Variants in ATP8A2 observed in about 807,000 individuals in gnomAD.
ATP8A2 encodes ATPase phospholipid transporting 8A2, also known as phospholipid-transporting ATPase IB.
ATP8A2 carries 100 observed loss-of-function variants against 165.6 expected under a neutral mutation model. The ratio of observed to expected loss-of-function variants is 0.60; its 90% CI spans 0.51 to 0.71. The LOEUF is 0.71. Ranked by LOEUF, ATP8A2 falls within the 30% of genes least tolerant of loss-of-function variation. The pLI is 0.00. For synonymous variants in ATP8A2, 543 were observed against 548.8 expected (o/e 0.99, Z 0.15); for missense variants, 1,227 against 1,479.5 (o/e 0.83, Z 2.80).
At chr13:25,815,713 G>C (rs1281549100) in intron 27 of ATP8A2, among the ~76,000 whole-genome samples, 1 of 152,130 alleles carries the variant, frequency 6.6e-6, no homozygotes, top group African/African-American at 2.4e-5. Context: ...TGAAAGCAAG[G>C]ACTGAACCCA....
chr13:25,575,742 A>G (rs2039598252), intron 19 of ATP8A2, among the ~76,000 whole-genome samples: 1 of 152,078 alleles, frequency 6.6e-6, no homozygotes, highest in Non-Finnish European at 1.5e-5. Context: ...TGGCTCATGT[A>G]GGAAGTGGTG....
intron 1 of ATP8A2, among the ~76,000 whole-genome samples, chr13:25,411,040 T>C (rs1300192282): frequency 6.6e-6 from 1 of 152,226 alleles, no homozygotes; most frequent in East Asian, 1.9e-4. Flanking sequence ...TCTTAATCTC[T>C]CAGGTAGGTC....
chr13:26,016,458 G>A (rs986418894), intron 36 of ATP8A2, among the ~76,000 whole-genome samples: 3 of 152,202 alleles, frequency 2.0e-5, no homozygotes, highest in African/African-American at 4.8e-5. Context: ...CACAGAAGAA[G>A]TGACAGAGTT....
In ATP8A2 at chr13:25,769,049, G is replaced by A. The variant is rs751962144; in HGVS notation, c.2388G>A (p.Val796=). The A allele has an allele frequency of 2.0e-5, 33 of 1,613,926 alleles. No homozygotes were observed. Among genetic ancestry groups the A allele is most frequent in the Non-Finnish European group, 2.8e-5 (33 of 1,179,914 alleles). The part of the protein sequence containing the change: ...LSCKAVICCR[V]SPLQKSEIVD... Reference sequence around the variant, plus strand: ...ATTTCCCTCTCTTTTCTCACAGAGTGTCTCCTCTGCAGAAGTCTGAGATAG... The same window carrying A: ...ATTTCCCTCTCTTTTCTCACAGAGTATCTCCTCTGCAGAAGTCTGAGATAG... Residue 796 remains valine (V), a synonymous_variant, in exon 26 of 37, where the codon GTG becomes GTA. Transcript: ENST00000381655.
intron 1 of ATP8A2, among the ~76,000 whole-genome samples, chr13:25,404,950 A>C (rs1387984672): frequency 6.6e-6 from 1 of 152,126 alleles, no homozygotes; most frequent in African/African-American, 2.4e-5. Context: ...AAGCAGAGAG[A>C]GGAAGAGAAA....
chr13:25,980,404 ATC>A (rs984517007), intron 35 of ATP8A2, among the ~76,000 whole-genome samples: 1 of 152,144 alleles, frequency 6.6e-6, no homozygotes, highest in African/African-American at 2.4e-5. Context: ...CCAAGAGGAG[ATC>A]TGGGGAAGGA....
intron 1 of ATP8A2, among the ~76,000 whole-genome samples, chr13:25,383,971 C>G (rs576860191): frequency 6.6e-6 from 1 of 152,124 alleles, no homozygotes; most frequent in Non-Finnish European, 1.5e-5. Flanking sequence ...GTTTTATTCC[C>G]GTTGCTAGAG....
intron 25 of ATP8A2, among the ~76,000 whole-genome samples, chr13:25,735,468 C>T (rs899825626): frequency 9.9e-5 from 15 of 151,950 alleles, no homozygotes; most frequent in African/African-American, 3.1e-4. Flanking sequence ...ACCATGTTGC[C>T]CAGACTGGTC....
intron 24 of ATP8A2, among the ~76,000 whole-genome samples, chr13:25,640,543 G>T (rs576719835): frequency 2.0e-5 from 3 of 152,208 alleles, no homozygotes; most frequent in Admixed American, 2.0e-4. Flanking sequence ...ACCCTCCCAA[G>T]ACTAAACCAG....
intron 24 of ATP8A2, among the ~76,000 whole-genome samples, chr13:25,640,911 C>T (rs1353861365): frequency 6.6e-6 from 1 of 152,194 alleles, no homozygotes; most frequent in Admixed American, 6.5e-5. Flanking sequence ...CCACCATGAT[C>T]AAGTGGGCTT....
At chr13:25,536,482 T>G (rs575948420) in intron 6 of ATP8A2, among the ~76,000 whole-genome samples, 5 of 152,342 alleles carry the variant, frequency 3.3e-5, no homozygotes, top group Admixed American at 1.3e-4. Flanking sequence ...GTACTGGTGG[T>G]TGTTAAAACA....
intron 1 of ATP8A2, among the ~76,000 whole-genome samples, chr13:25,379,934 C>G (rs547076777): frequency 1.3e-5 from 2 of 152,250 alleles, no homozygotes; most frequent in African/African-American, 4.8e-5. Context: ...CTTCTACTGT[C>G]TGATTTTCTG....
At chr13:25,699,690 C>T (rs2042910988) in intron 25 of ATP8A2, among the ~76,000 whole-genome samples, 2 of 152,164 alleles carry the variant, frequency 1.3e-5, no homozygotes, top group African/African-American at 4.8e-5. Flanking sequence ...AGCTCAACTT[C>T]CAAGATGTGT....
intron 10 of ATP8A2, among the ~76,000 whole-genome samples, chr13:25,545,502 A>G (rs967934425): frequency 1.3e-5 from 2 of 151,188 alleles, no homozygotes; most frequent in African/African-American, 4.9e-5. Flanking sequence ...GTGAGACCCC[A>G]TTTCAAAAAA....
intron 33 of ATP8A2, among the ~76,000 whole-genome samples, chr13:25,894,551 G>GT (rs1430478910): frequency 3.3e-5 from 5 of 152,154 alleles, no homozygotes; most frequent in African/African-American, 2.4e-5. Flanking sequence ...CTTTAAAGTA[G>GT]TTTTTTCCAA....
chr13:25,728,056 C>A (rs2043534491), intron 25 of ATP8A2, among the ~76,000 whole-genome samples: 1 of 152,312 alleles, frequency 6.6e-6, no homozygotes, highest in Admixed American at 6.5e-5. Flanking sequence ...AAGTTCCCTT[C>A]CTGCCCTCAG....
chr13:25,487,075 C>G (rs537162110), intron 2 of ATP8A2, among the ~76,000 whole-genome samples: 1 of 152,320 alleles, frequency 6.6e-6, no homozygotes, highest in South Asian at 2.1e-4. Flanking sequence ...AAGACAGTCT[C>G]TAACTAAAAA....
In ATP8A2 at chr13:25,372,928, CAT is replaced by C. The variant is rs2032478840; in HGVS notation, c.76+642_76+643del. ...ACACACGTACACACGCACGCGTACA[CAT>C]ACCCTGCCTGCAGGCGCCTGGGTGT... On this transcript the variant is annotated intron_variant, in intron 1 of 36. Transcript: ENST00000381655. This position sits in a 1 kb window ranked among gnomAD's most constrained non-coding sequence, Gnocchi z 4.8. 6.6e-5 allele frequency among the ~76,000 whole-genome samples: 10 copies of C among 152,200 alleles called. No homozygotes were observed. In the South Asian group the frequency reaches 2.1e-3, roughly 32 times the overall value.
At chr13:25,755,281 C>T (rs2044236925) in intron 25 of ATP8A2, among the ~76,000 whole-genome samples, 1 of 152,178 alleles carries the variant, frequency 6.6e-6, no homozygotes, top group African/African-American at 2.4e-5. Context: ...CTCCCAGCTT[C>T]ACCCAGGGAC....
Sources: gnomAD v4.1 joint callset for allele counts (sites outside exome capture counted in the v4.1 genomes callset) on GRCh38, gnomAD v4.1.1 for gene constraint, Gnocchi (gnomAD v3.1) non-coding constraint, MANE v1.5 for transcripts, NCBI Gene and HGNC (gene_info 2026-07-23, HGNC 2026-07-21) for gene names.